The following ALK variants were observed in gnomAD, a reference collection of about 807,000 sequenced individuals.
ALK encodes the protein ALK tyrosine kinase receptor.
A neutral mutation model predicts 163.1 loss-of-function variants in ALK; 74 were observed. That is an observed-to-expected ratio of 0.45 (90% CI 0.38 to 0.55). The LOEUF (loss-of-function observed/expected upper bound fraction) is 0.55, where lower values mean the gene tolerates loss of function less well. Among genes scored for constraint, ALK ranks in the 20% least tolerant of loss-of-function variants. The pLI is 0.00. For missense variants in ALK, 2,063 were observed against 2,105.3 expected, an observed-to-expected ratio of 0.98 and a Z score of 0.39; for synonymous variants, 960 against 843.2, an observed-to-expected ratio of 1.14 and a Z score of -2.40.
chr2:29,310,234 A>G (rs1292171748), intron 8 of ALK, among the ~76,000 whole-genome samples: 1 of 152,206 alleles, frequency 6.6e-6, no homozygotes, highest in Non-Finnish European at 1.5e-5. Flanking sequence ...TGCCTCTAGC[A>G]GGGTGACTTT....
intron 4 of ALK, among the ~76,000 whole-genome samples, chr2:29,501,520 G>T (rs1414837452): frequency 1.3e-5 from 2 of 152,150 alleles, no homozygotes; most frequent in African/African-American, 2.4e-5. Context: ...GGATGCCCAG[G>T]GGGTGTCCTT....
At chr2:29,861,553 AAT>A in intron 1 of ALK, among the ~76,000 whole-genome samples, 1 of 152,316 alleles carries the variant, frequency 6.6e-6, no homozygotes, top group South Asian at 2.1e-4. Flanking sequence ...AATTCCTAGA[AAT>A]ATACAACATA....
chr2:29,843,634 C>G (rs529499969), intron 1 of ALK, among the ~76,000 whole-genome samples: 1 of 152,216 alleles, frequency 6.6e-6, no homozygotes, highest in East Asian at 1.9e-4. Context: ...GAACCCTGGC[C>G]AACAGCTTTG....
At chr2:29,674,303 C>A (rs1677803057) in intron 3 of ALK, among the ~76,000 whole-genome samples, 2 of 151,814 alleles carry the variant, frequency 1.3e-5, no homozygotes, top group South Asian at 4.2e-4. Flanking sequence ...GTGATATTGG[C>A]TGTGGGTTTG....
chr2:29,276,912 C>G (rs1266994659), intron 9 of ALK, among the ~76,000 whole-genome samples: 1 of 152,124 alleles, frequency 6.6e-6, no homozygotes, highest in Non-Finnish European at 1.5e-5. Flanking sequence ...TTGTGGTGCT[C>G]TCTCCACAGC....
At position 29,199,892 on chromosome 2, in the gene ALK, A is replaced by G. The variant is rs573891462; in HGVS notation, c.3939-2216T>C. Among the ~76,000 whole-genome samples the G allele has an allele frequency of 2.0e-5, 3 of 152,312 alleles. No homozygotes were observed. In the East Asian group the frequency reaches 5.8e-4, roughly 29 times the overall value. On this transcript the variant is annotated intron_variant, in intron 26 of 28. Transcript: ENST00000389048. ...ATTACCACAAAAATTGTAGAGAACA[A>G]TAGTTCCTTCATCTTCTAAGAAACA...
At chr2:29,798,769 G>A (rs1259722596) in intron 1 of ALK, among the ~76,000 whole-genome samples, 1 of 152,148 alleles carries the variant, frequency 6.6e-6, no homozygotes, top group African/African-American at 2.4e-5. Context: ...CCACCCCAGG[G>A]AGAATAATAC....
chr2:29,780,158 T>C (rs1681294166), intron 1 of ALK, among the ~76,000 whole-genome samples: 1 of 152,220 alleles, frequency 6.6e-6, no homozygotes, highest in Admixed American at 6.5e-5. Flanking sequence ...TGCATTCATC[T>C]TGAAAACAAA....
chr2:29,662,100 C>T (rs1052119949), intron 3 of ALK, among the ~76,000 whole-genome samples: 8 of 152,114 alleles, frequency 5.3e-5, no homozygotes, highest in South Asian at 2.1e-4. Context: ...TTAGCAGGGA[C>T]GGGGTTTCAC....
intron 13 of ALK, among the ~76,000 whole-genome samples, chr2:29,235,856 CTTTTTTTTTTTTTT>C (rs569363324): frequency 0.052 from 1,990 of 38,542 alleles, 128 homozygotes; most frequent in East Asian, 0.39. Flanking sequence ...CCAGGCTCGA[CTTTTTTTTTTTTTT>C]TTTTTTTTTT....
rs529435416 is a variant in ALK at position 29,192,965 on chromosome 2, A to G, written c.*259T>C. On this transcript the variant is annotated 3_prime_UTR_variant, in exon 29 of 29. Coordinates refer to ENST00000389048, the MANE Select transcript of ALK (RefSeq NM_004304.5). Reference sequence around the variant, plus strand: ...GAAGTATACAACAAACATGCATAAAAACCTTATGCAACCACATCTGGGCCT... The same window carrying G: ...GAAGTATACAACAAACATGCATAAAGACCTTATGCAACCACATCTGGGCCT... The G allele has an allele frequency of 5.9e-6, 3 of 509,134 alleles. No individual in the cohort carries two copies. The highest frequency in any genetic ancestry group is 1.9e-5 in the African/African-American group (1 of 52,574). 31.5% of individuals were successfully genotyped at this position (509,134 alleles called of 1,614,324 possible). A position where few individuals can be genotyped will look rare whatever the true frequency, so the allele number is the denominator to read the frequency against.
chr2:29,555,120 C>T (rs1673813998), intron 3 of ALK, among the ~76,000 whole-genome samples: 1 of 152,172 alleles, frequency 6.6e-6, no homozygotes, highest in Non-Finnish European at 1.5e-5. Flanking sequence ...AATAAACTTG[C>T]TTTCACTTTA....
At chr2:29,742,307 C>T (rs190610180) in intron 1 of ALK, among the ~76,000 whole-genome samples, 25 of 152,318 alleles carry the variant, frequency 1.6e-4, no homozygotes, top group Admixed American at 7.8e-4. Flanking sequence ...TAGGTATGGG[C>T]GAATGGTGCT....
intron 11 of ALK, among the ~76,000 whole-genome samples, chr2:29,254,654 G>A (rs1421361906): frequency 6.6e-6 from 1 of 152,196 alleles, no homozygotes; most frequent in Non-Finnish European, 1.5e-5. Flanking sequence ...AACAATTGGA[G>A]ACTGTAAGAC....
chr2:29,212,003 A>G (rs1339180508), intron 24 of ALK, among the ~76,000 whole-genome samples: 6 of 152,226 alleles, frequency 3.9e-5, no homozygotes, highest in African/African-American at 7.2e-5. Flanking sequence ...TATCATCAAA[A>G]TGTCTTGTGG....
intron 1 of ALK, among the ~76,000 whole-genome samples, chr2:29,771,020 CACACAA>C (rs1318055295): frequency 2.7e-5 from 4 of 146,460 alleles, no homozygotes; most frequent in East Asian, 2.1e-4. Flanking sequence ...TACACAAATA[CACACAA>C]ACACAAACAC....
At chr2:29,241,116 G>T (rs1391970568) in intron 12 of ALK, among the ~76,000 whole-genome samples, 4 of 152,176 alleles carry the variant, frequency 2.6e-5, no homozygotes, top group African/African-American at 9.7e-5. Context: ...GTGAGTGCCT[G>T]GGCATTGATG....
intron 11 of ALK, among the ~76,000 whole-genome samples, chr2:29,260,235 CT>C (rs1354860062): frequency 6.7e-6 from 1 of 150,310 alleles, no homozygotes; most frequent in Non-Finnish European, 1.5e-5. Flanking sequence ...CTTACAATGA[CT>C]TACGTTATTT....
chr2:29,493,617 C>G (rs1278826110), intron 4 of ALK, among the ~76,000 whole-genome samples: 1 of 152,222 alleles, frequency 6.6e-6, no homozygotes, highest in African/African-American at 2.4e-5. Context: ...TCACTCTTTG[C>G]TCTTTGGGTA....
Sources: gnomAD v4.1 joint callset for allele counts (sites outside exome capture counted in the v4.1 genomes callset) on GRCh38, gnomAD v4.1.1 for gene constraint, MANE v1.5 for transcripts, NCBI Gene and HGNC (gene_info 2026-07-23, HGNC 2026-07-21) for gene names.